CPNE4: variants seen among roughly 807,000 people sequenced by gnomAD.
CPNE4 encodes copine-4.
A neutral mutation model predicts 67.9 loss-of-function variants in CPNE4; 25 were observed. The observed-to-expected ratio is 0.37, with a 90% confidence interval of 0.27 to 0.51. The LOEUF (loss-of-function observed/expected upper bound fraction) is 0.51. Ranked by LOEUF, CPNE4 falls within the 20% of genes least tolerant of loss-of-function variation. The probability of loss-of-function intolerance (pLI) is 0.93; values close to 1 mark genes in which losing one functional copy is unlikely to be tolerated. For missense variants in CPNE4, 464 were observed against 690.8 expected (o/e 0.67, Z 3.68); for synonymous variants, 242 against 244.9 (o/e 0.99, Z 0.11).
At chr3:131,978,091 A>T (rs1346651017) in intron 1 of CPNE4, among the ~76,000 whole-genome samples, 123 of 33,330 alleles carry the variant, frequency 3.7e-3, no homozygotes, top group African/African-American at 0.026. Flanking sequence ...ATATATAAAT[A>T]TATATATAAA....
chr3:131,994,633 A>T (rs1412498478), intron 1 of CPNE4, among the ~76,000 whole-genome samples: 4 of 152,282 alleles, frequency 2.6e-5, no homozygotes, highest in African/African-American at 9.6e-5. Context: ...CTTTGGGAGA[A>T]CCCTATGTAC....
At chr3:131,893,934 T>C (rs1469287275) in intron 2 of CPNE4, among the ~76,000 whole-genome samples, 1 of 150,950 alleles carries the variant, frequency 6.6e-6, no homozygotes, top group African/African-American at 2.4e-5. Context: ...AAAGGCAAAA[T>C]TGATAGAAGA....
rs1182232767 is a variant in CPNE4 at position 131,923,705 on chromosome 3, AAAAAAAAAAAAAAAAAAAAAAAAATT to A, written c.-1-18287_-1-18262del. ...GGGTGACAGAGCTAGACTCCGTCTC[AAAAAAAAAAAAAAAAAAAAAAAAATT>A]AAAAAAAAATAGAAAAAAAAATCCA... On this transcript the variant is annotated intron_variant, in intron 1 of 15. Transcript: ENST00000429747. 5.6e-3 allele frequency among the ~76,000 whole-genome samples: 193 copies of A among 34,766 alleles called. 2 individuals carry two copies. The highest frequency in any genetic ancestry group is 0.017 in the African/African-American group (192 of 11,608). The allele number at this position is 34,766 out of a possible 152,430, so 22.8% of individuals were successfully genotyped here.
At chr3:131,740,186 TG>T (rs993584566) in intron 2 of CPNE4, among the ~76,000 whole-genome samples, 3 of 152,198 alleles carry the variant, frequency 2.0e-5, no homozygotes, top group African/African-American at 7.2e-5. Context: ...CTGGTACAGC[TG>T]GGTATTTCTT....
chr3:131,712,690 A>G lies in CPNE4; in HGVS notation c.360+10756T>C, dbSNP rs115694514. Among the ~76,000 whole-genome samples, 1,070 of 152,350 alleles carry G rather than the reference A, an allele frequency of 7.0e-3. 15 individuals are homozygous for G. The highest frequency in any genetic ancestry group is 0.022 in the Admixed American group (339 of 15,304). On this transcript the variant is annotated intron_variant, in intron 3 of 15. Coordinates refer to ENST00000429747, the MANE Select transcript of CPNE4 (RefSeq NM_130808.3). ...CAACAAACTGGCCGTTTGCCATACT[A>G]TGAATTCAGTTTATAGTGTTGGAGT...
rs560168198 is a variant in CPNE4 at position 131,721,352 on chromosome 3, A to G, written c.360+2094T>C. Among the ~76,000 whole-genome samples, 34 of 151,786 alleles carry G rather than the reference A, an allele frequency of 2.2e-4. No individual in the cohort carries two copies. The East Asian group carries it at 5.6e-3, about 25-fold the overall frequency. Reference sequence around the variant, plus strand: ...TATCAAAGCTTTGGACCAAAAAAAAAAAAAAAAAAAGATCTTTAGTCCACA... The same window carrying G: ...TATCAAAGCTTTGGACCAAAAAAAAGAAAAAAAAAAGATCTTTAGTCCACA... On this transcript the variant is annotated intron_variant, in intron 3 of 15. Coordinates refer to ENST00000429747, the MANE Select transcript of CPNE4 (RefSeq NM_130808.3).
chr3:131,820,154 T>A (rs898042130), intron 2 of CPNE4, among the ~76,000 whole-genome samples: 2 of 152,200 alleles, frequency 1.3e-5, no homozygotes, highest in Non-Finnish European at 2.9e-5. Flanking sequence ...TAGATTGGGT[T>A]CCCCTGAAAG....
intron 5 of CPNE4, among the ~76,000 whole-genome samples, chr3:131,686,838 T>C (rs918713178): frequency 6.6e-6 from 1 of 152,352 alleles, no homozygotes; most frequent in Middle Eastern, 3.4e-3. Flanking sequence ...CTCATACTGT[T>C]GGACTACTTG....
intron 2 of CPNE4, among the ~76,000 whole-genome samples, chr3:131,845,264 T>C (rs2107629634): frequency 6.6e-6 from 1 of 152,332 alleles, no homozygotes; most frequent in African/African-American, 2.4e-5. Context: ...GCTATCATAC[T>C]CTACCATTCA....
chr3:132,035,252 G>C (rs2074320257), upstream of CPNE4: 1 of 159,388 alleles, frequency 6.3e-6, no homozygotes, highest in South Asian at 2.0e-4. Flanking sequence ...CAAGTGCTTG[G>C]TCTCCATCTC....
rs149882858 is a variant in CPNE4 at position 131,624,095 on chromosome 3, T to A, written c.682-36513A>T. On this transcript the variant is annotated intron_variant, in intron 7 of 15. Coordinates refer to ENST00000429747, the MANE Select transcript of CPNE4 (RefSeq NM_130808.3). ...GCCTTGCTTTACTCACTGCTATTGG[T>A]GTCTTTCTGAGTTTTGTCTGCGAAT... Among the ~76,000 whole-genome samples the A allele has an allele frequency of 5.3e-5, 8 of 152,298 alleles. No homozygotes were observed. The East Asian group carries it at 1.5e-3, about 29-fold the overall frequency.
chr3:131,836,168 T>C (rs2085551258), intron 2 of CPNE4, among the ~76,000 whole-genome samples: 1 of 152,020 alleles, frequency 6.6e-6, no homozygotes, highest in Non-Finnish European at 1.5e-5. Flanking sequence ...CTTTAAAAAA[T>C]GAAACTGAGA....
At chr3:131,618,167 C>T (rs945876902) in intron 7 of CPNE4, among the ~76,000 whole-genome samples, 1 of 152,108 alleles carries the variant, frequency 6.6e-6, no homozygotes, top group African/African-American at 2.4e-5. Flanking sequence ...TGGCTGACTA[C>T]CCAAGGTGTG....
At chr3:131,785,868 T>C (rs1452197146) in intron 2 of CPNE4, among the ~76,000 whole-genome samples, 2 of 152,148 alleles carry the variant, frequency 1.3e-5, no homozygotes, top group African/African-American at 4.8e-5. Flanking sequence ...CTAGGATACA[T>C]GTTTTATATA....
chr3:131,588,192 A>G lies in CPNE4; in HGVS notation c.682-610T>C, dbSNP rs1251444817. Among the ~76,000 whole-genome samples the G allele has an allele frequency of 2.0e-5, 3 of 152,190 alleles. No homozygotes were observed. The East Asian group carries it at 5.8e-4, about 29-fold the overall frequency. On this transcript the variant is annotated intron_variant, in intron 7 of 15. Coordinates refer to ENST00000429747, the MANE Select transcript of CPNE4 (RefSeq NM_130808.3). Reference sequence around the variant, plus strand: ...GCACAGACAATACCAGATATTTACCACACTGGTAAATATTATGCACCCATC... The same window carrying G: ...GCACAGACAATACCAGATATTTACCGCACTGGTAAATATTATGCACCCATC...
chr3:131,959,279 C>T lies in CPNE4; in HGVS notation c.-1-53835G>A, dbSNP rs761586910. Among the ~76,000 whole-genome samples, 3 of 31,292 alleles carry T rather than the reference C, an allele frequency of 9.6e-5. 1 individual carries two copies. In the South Asian group the frequency reaches 2.4e-3, roughly 25 times the overall value. The allele number at this position is 31,292 out of a possible 152,430, so 20.5% of individuals were successfully genotyped here. On this transcript the variant is annotated intron_variant, in intron 1 of 15. Coordinates refer to ENST00000429747, the MANE Select transcript of CPNE4 (RefSeq NM_130808.3). ...CCTCCCAAAGTGCTGGGATTACAGG[C>T]GTGAGCCACCGCGCCCGGCCGATAC...
chr3:131,821,066 A>AAC (rs1560395053), intron 2 of CPNE4, among the ~76,000 whole-genome samples: 2 of 152,222 alleles, frequency 1.3e-5, no homozygotes, highest in Non-Finnish European at 2.9e-5. Flanking sequence ...CAGGGTAATC[A>AAC]ACACATGTCT....
chr3:131,542,526 A>C, intron 15 of CPNE4, 31 bp downstream of exon 15: 1 of 1,485,562 alleles, frequency 6.7e-7, no homozygotes, highest in Non-Finnish European at 9.4e-7. Flanking sequence ...CTGCTCTTCC[A>C]TGAAAAGTGC....
intron 2 of CPNE4, among the ~76,000 whole-genome samples, chr3:131,796,598 C>T (rs138215396): frequency 7.2e-5 from 11 of 152,332 alleles, no homozygotes; most frequent in African/African-American, 2.6e-4. Flanking sequence ...TGCCACACAT[C>T]ATCTGCCCCC....
Sources: gnomAD v4.1 joint callset for allele counts (sites outside exome capture counted in the v4.1 genomes callset) on GRCh38, gnomAD v4.1.1 for gene constraint, MANE v1.5 for transcripts, NCBI Gene and HGNC (gene_info 2026-07-23, HGNC 2026-07-21) for gene names.